ASXL3: variants seen among roughly 807,000 people sequenced by gnomAD.
ASXL3 encodes putative Polycomb group protein ASXL3.
In ASXL3, 34 loss-of-function variants were observed where a neutral mutation model predicts 170.6. That is an observed-to-expected ratio of 0.20 (90% CI 0.15 to 0.27). The LOEUF (loss-of-function observed/expected upper bound fraction) is 0.27, where lower values mean the gene tolerates loss of function less well. ASXL3 is among the 10% of genes least tolerant of loss of function. ASXL3 has a pLI of 1.00. For synonymous variants in ASXL3, 1,002 were observed against 989.1 expected, an observed-to-expected ratio of 1.01 and a Z score of -0.24; for missense variants, 2,592 against 2,695.3, an observed-to-expected ratio of 0.96 and a Z score of 0.85.
Position 33,745,582 on chromosome 18 carries a change from C to T in ASXL3, c.5734C>T (p.His1912Tyr). ...GTGTAGCTTCCAGCAGAACCTATTT[C>T]ATGTTGACAAGAATGGCGGCTTCCA... Reference protein sequence around the residue: ...PSCSFQQNLFHVDKNGGFHTD... With the variant: ...PSCSFQQNLFYVDKNGGFHTD... The change falls in exon 12 of 12, where the codon CAT (histidine) becomes TAT (tyrosine). Residue 1912 changes from histidine (H) to tyrosine (Y), a missense_variant. Physicochemically the swap from His to Tyr is moderately conservative, Grantham distance 83. Coordinates refer to ENST00000269197, the MANE Select transcript of ASXL3 (RefSeq NM_030632.3). The T allele has an allele frequency of 6.2e-7, 1 of 1,613,986 alleles. No individual in the cohort carries two copies. The highest frequency in any genetic ancestry group is 8.5e-7 in the Non-Finnish European group (1 of 1,179,890).
chr18:33,736,274 T>C (rs2067545357), intron 10 of ASXL3, among the ~76,000 whole-genome samples: 1 of 152,110 alleles, frequency 6.6e-6, no homozygotes, highest in African/African-American at 2.4e-5. Context: ...ACAGCTATGA[T>C]ATTATAAATA....
At chr18:33,649,118 A>G (rs1415419546) in intron 4 of ASXL3, among the ~76,000 whole-genome samples, 1 of 152,092 alleles carries the variant, frequency 6.6e-6, no homozygotes, top group Non-Finnish European at 1.5e-5. Flanking sequence ...GAGACAGTTT[A>G]AAAAAATGGG....
At chr18:33,621,802 T>C (rs2065517795) in intron 2 of ASXL3, among the ~76,000 whole-genome samples, 1 of 152,190 alleles carries the variant, frequency 6.6e-6, no homozygotes, top group African/African-American at 2.4e-5. Context: ...CAAGGGCCAA[T>C]AGATTTGTCT....
chr18:33,696,983 G>A (rs953319627), intron 8 of ASXL3, among the ~76,000 whole-genome samples: 1 of 152,092 alleles, frequency 6.6e-6, no homozygotes, highest in Non-Finnish European at 1.5e-5. Flanking sequence ...TTTATTTGTG[G>A]ATGAAATATT....
intron 8 of ASXL3, among the ~76,000 whole-genome samples, chr18:33,685,712 C>T (rs2066583654): frequency 6.6e-6 from 1 of 152,124 alleles, no homozygotes; most frequent in South Asian, 2.1e-4. Flanking sequence ...CCTCAGGAAG[C>T]TTATACTCTT....
intron 1 of ASXL3, among the ~76,000 whole-genome samples, chr18:33,595,713 A>G (rs2065120002): frequency 6.6e-6 from 1 of 152,166 alleles, no homozygotes; most frequent in South Asian, 2.1e-4. Flanking sequence ...AGCAAATCTC[A>G]GGCTCTCCTC....
At chr18:33,605,003 T>G (rs972231023) in intron 1 of ASXL3, among the ~76,000 whole-genome samples, 4 of 152,026 alleles carry the variant, frequency 2.6e-5, no homozygotes, top group African/African-American at 9.7e-5. Flanking sequence ...TTGCATGCTC[T>G]CTGGATAAAA....
chr18:33,636,133 A>T (rs1344656230), intron 2 of ASXL3, among the ~76,000 whole-genome samples: 1 of 152,226 alleles, frequency 6.6e-6, no homozygotes, highest in African/African-American at 2.4e-5. Flanking sequence ...GCCAGAGCAG[A>T]CATGGGAAAC....
chr18:33,748,055 C>T lies in ASXL3; in HGVS notation c.*1460C>T, dbSNP rs1316493758. On this transcript the variant is annotated 3_prime_UTR_variant, in exon 12 of 12. Transcript: ENST00000269197. ...GCCCATTTAACTTCAGATTACAGAG[C>T]ACAAAATGTGGAGTGCCATTAACCC... 1.3e-5 allele frequency: 2 copies of T among 151,876 alleles called. No individual in the cohort carries two copies. The highest frequency in any genetic ancestry group is 4.8e-5 in the African/African-American group (2 of 41,332). 9.4% of individuals were successfully genotyped at this position (151,876 alleles called of 1,614,324 possible).
intron 8 of ASXL3, among the ~76,000 whole-genome samples, chr18:33,720,580 A>T (rs1004088949): frequency 1.3e-5 from 2 of 152,064 alleles, no homozygotes; most frequent in African/African-American, 4.8e-5. Context: ...AACTTGTTCC[A>T]ATTTTGAAAA....
At chr18:33,665,276 T>C (rs954012951) in intron 5 of ASXL3, among the ~76,000 whole-genome samples, 6 of 152,326 alleles carry the variant, frequency 3.9e-5, no homozygotes, top group African/African-American at 1.4e-4. Context: ...ATTCATAAAG[T>C]TGCAGATGCA....
intron 1 of ASXL3, among the ~76,000 whole-genome samples, chr18:33,605,001 T>C (rs879905806): frequency 2.0e-5 from 3 of 151,984 alleles, no homozygotes; most frequent in Non-Finnish European, 4.4e-5. Context: ...ATTTGCATGC[T>C]CTCTGGATAA....
intron 2 of ASXL3, among the ~76,000 whole-genome samples, chr18:33,618,234 CAA>C (rs2065458504): frequency 6.6e-6 from 1 of 151,984 alleles, no homozygotes; most frequent in South Asian, 2.1e-4. Context: ...CACACCCAAG[CAA>C]AAATGAAATT....
Position 33,740,309 on chromosome 18 carries a change from C to G in ASXL3, c.2905C>G (p.Gln969Glu). ...SEISKRKTAE[Q>E]HSFGICKEKR... The stretch of plus-strand genomic sequence containing the variant: ...GATATCAAAGAGAAAAACTGCAGAG[C>G]AACACAGCTTTGGAATCTGTAAGGA... Residue 969 changes from glutamine (Q) to glutamate (E), a missense_variant, in exon 11 of 12, where the codon CAA becomes GAA. Coordinates refer to ENST00000269197, the MANE Select transcript of ASXL3 (RefSeq NM_030632.3). The G allele has an allele frequency of 6.2e-7, 1 of 1,611,702 alleles. No homozygotes were observed. Among genetic ancestry groups the G allele is most frequent in the Non-Finnish European group, 8.5e-7 (1 of 1,178,726 alleles).
At chr18:33,588,466 T>A (rs867672348) in intron 1 of ASXL3, among the ~76,000 whole-genome samples, 1 of 151,178 alleles carries the variant, frequency 6.6e-6, no homozygotes. Flanking sequence ...TGAAAACACA[T>A]AGACAAGGTC....
chr18:33,580,469 A>C (rs1453727655), intron 1 of ASXL3, among the ~76,000 whole-genome samples: 1 of 152,220 alleles, frequency 6.6e-6, no homozygotes, highest in African/African-American at 2.4e-5. Flanking sequence ...AAGCAAGTGA[A>C]CAATGAGTTG....
chr18:33,739,924 A>T lies in ASXL3; in HGVS notation c.2520A>T (p.Ser840=), dbSNP rs1247073939. The T allele has an allele frequency of 6.2e-7, 1 of 1,613,970 alleles. No individual in the cohort carries two copies. The highest frequency in any genetic ancestry group is 2.2e-5 in the East Asian group (1 of 44,872). The change falls in exon 11 of 12, where the codon TCA becomes TCT. Residue 840 remains serine, a synonymous_variant. Coordinates refer to ENST00000269197, the MANE Select transcript of ASXL3 (RefSeq NM_030632.3). ...CCCTGAGTCAGCAAACCTGTAAATC[A>T]CATGTTGACACTGAGAAGCCCTACC... ...NKTLSQQTCK[S]HVDTEKPYPA...
rs1359201829 is a variant in ASXL3 at position 33,732,145 on chromosome 18, A to T, written c.976+81A>T. 2.9e-5 allele frequency: 31 copies of T among 1,079,480 alleles called. 1 individual carries two copies. Among genetic ancestry groups the T allele is most frequent in the Non-Finnish European group, 4.0e-5 (30 of 751,570 alleles). 66.9% of individuals were successfully genotyped at this position (1,079,480 alleles called of 1,614,324 possible). On this transcript the variant is annotated intron_variant, in intron 9 of 11. Coordinates refer to ENST00000269197, the MANE Select transcript of ASXL3 (RefSeq NM_030632.3). ...AGCTTGTACCTTTCTCTGATTTTTC[A>T]GTCTTTTCCCCGACACAGTACACTT... is the stretch of plus-strand genomic sequence containing the variant.
Position 33,746,767 on chromosome 18 carries a change from C to A in ASXL3, c.*172C>A. ...TGCATTTCTCATAAAGGGGAGGATG[C>A]ATCCCAACTGAATGGCTCACTGGCA... On this transcript the variant is annotated 3_prime_UTR_variant, in exon 12 of 12. Coordinates refer to ENST00000269197, the MANE Select transcript of ASXL3 (RefSeq NM_030632.3). 9.2e-7 allele frequency: 1 copy of A among 1,088,822 alleles called. No homozygotes were observed. The highest frequency in any genetic ancestry group is 3.1e-5 in the Admixed American group (1 of 31,776). The allele number at this position is 1,088,822 out of a possible 1,614,324, so 67.4% of individuals were successfully genotyped here.
Sources: allele counts gnomAD v4.1 joint callset (sites outside exome capture counted in the v4.1 genomes callset), GRCh38; gene constraint gnomAD v4.1.1; transcripts MANE v1.5; gene names NCBI Gene and HGNC (gene_info 2026-07-23, HGNC 2026-07-21).